The following FBXO4 variants were observed in gnomAD, a reference collection of about 807,000 sequenced individuals.
FBXO4 encodes the protein F-box only protein 4.
Under a neutral mutation model 43.7 loss-of-function variants are expected in FBXO4, and 36 were observed. The observed-to-expected ratio is 0.82, with a 90% CI of 0.63 to 1.09. The LOEUF (loss-of-function observed/expected upper bound fraction) is 1.09. Ranked by LOEUF, FBXO4 falls within the 50% of genes least tolerant of loss-of-function variation. The pLI is 0.00. For missense variants in FBXO4, 435 were observed against 474.1 expected, an observed-to-expected ratio of 0.92 and a Z score of 0.77; for synonymous variants, 180 against 165.6, an observed-to-expected ratio of 1.09 and a Z score of -0.67.
the FBXO4 span, among the ~76,000 whole-genome samples, chr5:42,027,039 G>C: frequency 1.3e-5 from 2 of 151,738 alleles, no homozygotes; most frequent in Admixed American, 1.3e-4. Flanking sequence ...CTGGTTTTGG[G>C]ATCGGGGTAA....
At chr5:42,040,167 A>G in the FBXO4 span, among the ~76,000 whole-genome samples, 1 of 152,090 alleles carries the variant, frequency 6.6e-6, no homozygotes, top group Non-Finnish European at 1.5e-5. Flanking sequence ...TGCAAGATGT[A>G]TCCCATCTAC....
the FBXO4 span, among the ~76,000 whole-genome samples, chr5:41,965,153 T>C: frequency 6.6e-6 from 1 of 152,210 alleles, no homozygotes; most frequent in African/African-American, 2.4e-5. Flanking sequence ...CCTTTCCCCA[T>C]TTCTTGTTTT....
chr5:42,032,475 C>T, the FBXO4 span, among the ~76,000 whole-genome samples: 1 of 152,196 alleles, frequency 6.6e-6, no homozygotes, highest in African/African-American at 2.4e-5. Flanking sequence ...TTCCCTCCCA[C>T]TTCCCAAGGC....
the FBXO4 span, among the ~76,000 whole-genome samples, chr5:41,995,213 A>G: frequency 8.5e-4 from 129 of 152,316 alleles, no homozygotes; most frequent in African/African-American, 2.9e-3. Flanking sequence ...TGTGTGGAAT[A>G]CTGTGACAGT....
chr5:41,985,356 C>T, the FBXO4 span, among the ~76,000 whole-genome samples: 6 of 152,026 alleles, frequency 3.9e-5, no homozygotes, highest in Admixed American at 3.3e-4. Flanking sequence ...TGTGGATTTG[C>T]TGATGGTAAA....
At chr5:42,003,100 C>T in the FBXO4 span, among the ~76,000 whole-genome samples, 2 of 152,042 alleles carry the variant, frequency 1.3e-5, no homozygotes, top group African/African-American at 2.4e-5. Flanking sequence ...ACCCTCAGAA[C>T]GATTTAACGA....
chr5:42,003,003 T>C, the FBXO4 span, among the ~76,000 whole-genome samples: 1 of 152,202 alleles, frequency 6.6e-6, no homozygotes, highest in African/African-American at 2.4e-5. Context: ...TATTTTGTGA[T>C]TCCAGTTTTA....
At chr5:42,003,180 A>G in the FBXO4 span, among the ~76,000 whole-genome samples, 1 of 152,242 alleles carries the variant, frequency 6.6e-6, no homozygotes, top group African/African-American at 2.4e-5. Context: ...AGCAACTCAG[A>G]CAATAATAGA....
chr5:41,982,168 G>C, the FBXO4 span, among the ~76,000 whole-genome samples: 1 of 152,078 alleles, frequency 6.6e-6, no homozygotes, highest in African/African-American at 2.4e-5. Flanking sequence ...ATTTGGGTTG[G>C]TTCCAAGTCT....
chr5:41,964,383 T>C, the FBXO4 span, among the ~76,000 whole-genome samples: 2 of 152,146 alleles, frequency 1.3e-5, no homozygotes, highest in Non-Finnish European at 2.9e-5. Flanking sequence ...TTTCTCTTTT[T>C]TTCATACCAC....
At chr5:41,990,639 A>G in the FBXO4 span, among the ~76,000 whole-genome samples, 46 of 152,334 alleles carry the variant, frequency 3.0e-4, 1 homozygote, top group Middle Eastern at 3.4e-3. Flanking sequence ...TTTAGTTATT[A>G]TCATTTTGGA....
At chr5:41,947,353 C>T in the FBXO4 span, among the ~76,000 whole-genome samples, 1 of 152,180 alleles carries the variant, frequency 6.6e-6, no homozygotes, top group Non-Finnish European at 1.5e-5. Flanking sequence ...CATAGAACAG[C>T]TGTTGTGAGA....
At chr5:42,002,357 A>G in the FBXO4 span, among the ~76,000 whole-genome samples, 1 of 152,236 alleles carries the variant, frequency 6.6e-6, no homozygotes, top group Non-Finnish European at 1.5e-5. Flanking sequence ...GGCTCTCACT[A>G]TGATGATCCT....
chr5:42,022,954 G>A, the FBXO4 span, among the ~76,000 whole-genome samples: 1 of 151,528 alleles, frequency 6.6e-6, no homozygotes, highest in Non-Finnish European at 1.5e-5. Flanking sequence ...ACAAATACAG[G>A]GTTTAAAAAA....
chr5:41,957,046 T>C, the FBXO4 span, among the ~76,000 whole-genome samples: 12,083 of 152,164 alleles, frequency 0.079, 688 homozygotes, highest in African/African-American at 0.16. Flanking sequence ...TCTAATGATT[T>C]CTATATTGTA....
At chr5:42,008,940 C>G in the FBXO4 span, among the ~76,000 whole-genome samples, 2 of 152,076 alleles carry the variant, frequency 1.3e-5, no homozygotes, top group Admixed American at 6.6e-5. Context: ...CAGAGGTCTG[C>G]CATTTTCTCT....
the FBXO4 span, among the ~76,000 whole-genome samples, chr5:42,018,247 G>C: frequency 6.6e-6 from 1 of 151,208 alleles, no homozygotes; most frequent in Non-Finnish European, 1.5e-5. Flanking sequence ...AAAAATCAGA[G>C]CAAATGTTTC....
In FBXO4 at chr5:41,939,578, C is replaced by T. The variant is rs761785839; in HGVS notation, c.1036C>T (p.His346Tyr). 3.1e-6 allele frequency: 5 copies of T among 1,613,358 alleles called. No homozygotes were observed. Among genetic ancestry groups the T allele is most frequent in the Non-Finnish European group, 3.4e-6 (4 of 1,179,656 alleles). The change falls in exon 6 of 7, where the codon CAT becomes TAT. Residue 346 changes from histidine (H) to tyrosine (Y), a missense_variant. Transcript: ENST00000281623. ...VKRMPCFYLA[H>Y]ELHLNLLNHP... is the part of the protein sequence containing the mutation. ...AAGAATGCCCTGTTTTTATTTGGCTCATGAGCTGCATCTGAATCTTCTAAA... is the reference window on the plus strand; with the variant it reads ...AAGAATGCCCTGTTTTTATTTGGCTTATGAGCTGCATCTGAATCTTCTAAA...
At chr5:41,995,735 C>T in the FBXO4 span, among the ~76,000 whole-genome samples, 2 of 152,216 alleles carry the variant, frequency 1.3e-5, no homozygotes, top group Non-Finnish European at 2.9e-5. Flanking sequence ...AGAGGTCTAT[C>T]CACATACCTC....
Sources: allele counts gnomAD v4.1 joint callset (sites outside exome capture counted in the v4.1 genomes callset), GRCh38; gene constraint gnomAD v4.1.1; transcripts MANE v1.5; gene names NCBI Gene and HGNC (gene_info 2026-07-23, HGNC 2026-07-21).